Variants in BMP1 observed in about 807,000 individuals in gnomAD.
BMP1 encodes mammalian tolloid protein.
In BMP1, 63 loss-of-function variants were observed where a neutral mutation model predicts 116.8. The observed-to-expected ratio is 0.54, with a 90% confidence interval of 0.44 to 0.67. The LOEUF (loss-of-function observed/expected upper bound fraction) is 0.67. BMP1 is among the 30% of genes least tolerant of loss of function. The pLI, the probability that BMP1 is intolerant of heterozygous loss-of-function variation, is 0.00. For synonymous variants in BMP1, 536 were observed against 533.4 expected, an observed-to-expected ratio of 1.00 and a Z score of -0.07; for missense variants, 1,183 against 1,358.9, an observed-to-expected ratio of 0.87 and a Z score of 2.04.
intron 16 of BMP1, among the ~76,000 whole-genome samples, chr8:22,202,901 C>A (rs561446610): frequency 2.6e-5 from 4 of 151,940 alleles, no homozygotes; most frequent in Non-Finnish European, 5.9e-5. Context: ...TCCCAGCTAC[C>A]CTGGAGGCTG....
intron 7 of BMP1, among the ~76,000 whole-genome samples, chr8:22,180,138 CCCATATTG>C (rs750138027): frequency 4.6e-4 from 70 of 152,064 alleles, no homozygotes; most frequent in Admixed American, 7.9e-4. Flanking sequence ...AGCTCTGGAA[CCCATATTG>C]CCTTCACAAA....
Position 22,189,906 on chromosome 8 carries a change from G to A in BMP1, c.1078-2143G>A, listed in dbSNP as rs992049304. On this transcript the variant is annotated intron_variant, in intron 8 of 19. Transcript: ENST00000306385. ...ATAATAACCAAGAGTAATATATAGT[G>A]TGCTTTTCTTTATTTTATTTTATAT... Among the ~76,000 whole-genome samples the A allele has an allele frequency of 1.1e-4, 17 of 152,034 alleles. 1 individual carries two copies.
At chr8:22,189,141 A>G (rs563187005) in intron 8 of BMP1, among the ~76,000 whole-genome samples, 1 of 152,312 alleles carries the variant, frequency 6.6e-6, no homozygotes, top group Admixed American at 6.5e-5. Flanking sequence ...CCCATTCCTC[A>G]GAGGTGACTA....
chr8:22,201,784 C>CTTATT lies in BMP1; in HGVS notation c.2108-17_2108-13dup. The CTTATT allele has an allele frequency of 6.2e-7, 1 of 1,612,608 alleles. No homozygotes were observed. Among genetic ancestry groups the CTTATT allele is most frequent in the Non-Finnish European group, 8.5e-7 (1 of 1,179,936 alleles). On this transcript the variant is annotated intron_variant, in intron 15 of 19. Transcript: ENST00000306385. ...GCCCTGCACAGACCCAGCGTCTGCC[C>CTTATT]TTATTTGCTCCCCTGCAGACAAGGA...
At chr8:22,180,918 G>A (rs1828601942) in intron 8 of BMP1, among the ~76,000 whole-genome samples, 1 of 152,174 alleles carries the variant, frequency 6.6e-6, no homozygotes, top group Non-Finnish European at 1.5e-5. Context: ...GGTTCCCTTG[G>A]ATGAACTGCT....
At chr8:22,171,166 AGCTTTCTCAT>A (rs1828265859) in intron 1 of BMP1, 1 of 152,248 alleles carries the variant, frequency 6.6e-6, no homozygotes, top group Non-Finnish European at 1.5e-5. Context: ...AAGTAAGAGT[AGCTTTCTCAT>A]GGGTTGGAAG....
intron 8 of BMP1, among the ~76,000 whole-genome samples, chr8:22,181,307 T>C (rs556590643): frequency 1.1e-4 from 17 of 152,316 alleles, no homozygotes; most frequent in Admixed American, 2.0e-4. Context: ...GCTTCGGGCA[T>C]ACTACGGGAT....
At chr8:22,181,579 A>C (rs928844281) in intron 8 of BMP1, among the ~76,000 whole-genome samples, 4 of 149,466 alleles carry the variant, frequency 2.7e-5, no homozygotes, top group African/African-American at 9.9e-5. Flanking sequence ...TTGAGACAGA[A>C]TCTCACTTTT....
In BMP1 at chr8:22,179,929, C is replaced by A; in HGVS notation, c.961+100C>A. ...CACCAAGAAGGCTTAGGCTGCAAGT[C>A]TTAGAGAATGGTGTGGCGGGGGAGG... On this transcript the variant is annotated intron_variant, in intron 7 of 19. Transcript: ENST00000306385. The surrounding 1 kb of genome is among the most constrained non-coding windows in gnomAD (Gnocchi z 4.6). The A allele has an allele frequency of 7.6e-7, 1 of 1,308,506 alleles. No homozygotes were observed. The highest frequency in any genetic ancestry group is 1.0e-6 in the Non-Finnish European group (1 of 955,506). 81.1% of individuals were successfully genotyped at this position (1,308,506 alleles called of 1,614,324 possible). A position where few individuals can be genotyped will look rare whatever the true frequency, so the allele number is the denominator to read the frequency against.
At chr8:22,201,638 C>T (rs1829265348) in intron 15 of BMP1, 165 bp from the exon 16 acceptor site, 3 of 1,375,600 alleles carry the variant, frequency 2.2e-6, no homozygotes, top group Non-Finnish European at 2.9e-6. Flanking sequence ...CTTTGGACCC[C>T]CTTGTCGCCT....
At chr8:22,180,787 AC>A (rs1364243539) in intron 8 of BMP1, among the ~76,000 whole-genome samples, 1 of 152,132 alleles carries the variant, frequency 6.6e-6, no homozygotes, top group East Asian at 1.9e-4. Flanking sequence ...TTTAGTTTTT[AC>A]GGCTACCTCC....
At chr8:22,206,286 G>A (rs1184036937) in intron 16 of BMP1, among the ~76,000 whole-genome samples, 1 of 151,352 alleles carries the variant, frequency 6.6e-6, no homozygotes, top group East Asian at 1.9e-4. Context: ...TAGATCTCCT[G>A]AGGTCGGGAG....
chr8:22,177,740 G>GT, intron 5 of BMP1, 112 bp from the exon 6 acceptor site: 1 of 871,474 alleles, frequency 1.1e-6, no homozygotes. Flanking sequence ...CAGGTAGGGG[G>GT]ACTCTCTCAG....
chr8:22,199,626 G>A (rs1205576499), intron 15 of BMP1, among the ~76,000 whole-genome samples: 2 of 152,220 alleles, frequency 1.3e-5, no homozygotes, highest in South Asian at 2.1e-4. Context: ...GGTTTCTAGG[G>A]CACAAATGTG....
Position 22,211,942 on chromosome 8 carries a change from G to T in BMP1, c.*214G>T. On this transcript the variant is annotated 3_prime_UTR_variant, in exon 20 of 20. Transcript: ENST00000306385. ...AAACCCCCACCAGCAAGGGGCTGGG[G>T]CCAGGGAGCAGAGCTTCCACAAGAC... is the stretch of plus-strand genomic sequence containing the variant. The T allele has an allele frequency of 1.5e-6, 1 of 667,934 alleles. No individual in the cohort carries two copies. The highest frequency in any genetic ancestry group is 2.5e-6 in the Non-Finnish European group (1 of 402,942). 41.4% of individuals were successfully genotyped at this position (667,934 alleles called of 1,614,324 possible).
intron 8 of BMP1, among the ~76,000 whole-genome samples, chr8:22,187,463 TGGGACTACAGGAGCC>T (rs2131867891): frequency 6.6e-6 from 1 of 150,408 alleles, no homozygotes; most frequent in South Asian, 2.1e-4. Flanking sequence ...CCTCAGTAGC[TGGGACTACAGGAGCC>T]CGCCACCACG....
At chr8:22,209,353 A>G in intron 18 of BMP1, 92 bp from the exon 19 acceptor site, 1 of 1,542,308 alleles carries the variant, frequency 6.5e-7, no homozygotes. Context: ...CCAGGCCTCC[A>G]TCCTGCCGTG....
chr8:22,201,551 G>C, intron 15 of BMP1: 2 of 1,417,034 alleles, frequency 1.4e-6, no homozygotes, highest in South Asian at 1.5e-5. Flanking sequence ...GGTGACCCAT[G>C]CTGGTCCGCT....
chr8:22,168,660 G>A (rs1198309907), intron 1 of BMP1, among the ~76,000 whole-genome samples: 4 of 152,174 alleles, frequency 2.6e-5, no homozygotes, highest in Admixed American at 2.0e-4. Context: ...GAGCCATAGA[G>A]GATTAGGGTA....
Sources: gnomAD v4.1 joint callset for allele counts (sites outside exome capture counted in the v4.1 genomes callset) on GRCh38, gnomAD v4.1.1 for gene constraint, Gnocchi (gnomAD v3.1) non-coding constraint, MANE v1.5 for transcripts, NCBI Gene and HGNC (gene_info 2026-07-23, HGNC 2026-07-21) for gene names.